Variants in SPOP observed in about 807,000 individuals in gnomAD.
The protein encoded by SPOP is speckle-type POZ protein.
Under a neutral mutation model 45.6 loss-of-function variants are expected in SPOP, and 11 were observed. The ratio of observed to expected loss-of-function variants is 0.24; its 90% confidence interval spans 0.15 to 0.40. The LOEUF (loss-of-function observed/expected upper bound fraction) is 0.40, where lower values mean the gene tolerates loss of function less well. SPOP is among the 10% of genes least tolerant of loss of function. The pLI is 1.00. For synonymous variants in SPOP, 166 were observed against 166.3 expected (o/e 1.00, Z 0.01); for missense variants, 152 against 465.6 (o/e 0.33, Z 6.20).
Position 49,632,422 on chromosome 17 carries a change from G to C in SPOP, c.-66-9546C>G, listed in dbSNP as rs969059005. On this transcript the variant is annotated intron_variant, in intron 1 of 9. Coordinates refer to ENST00000504102, the MANE Select transcript of SPOP (RefSeq NM_001007228.2). ...CATTTCCCAGAATAAGTCAATCCTG[G>C]TTATAGAAGTACCATTACAGCAGCT... 2.6e-5 allele frequency among the ~76,000 whole-genome samples: 4 copies of C among 152,074 alleles called. No individual in the cohort carries two copies. In the East Asian group the frequency reaches 5.8e-4, roughly 22 times the overall value.
intron 1 of SPOP, among the ~76,000 whole-genome samples, chr17:49,673,016 T>C (rs887760981): frequency 6.6e-6 from 1 of 151,886 alleles, no homozygotes; most frequent in African/African-American, 2.4e-5. Context: ...TAAAGAGATA[T>C]ATTTGGAGGA....
intron 1 of SPOP, among the ~76,000 whole-genome samples, chr17:49,666,484 CACACACA>C (rs1567804296): frequency 3.3e-5 from 5 of 151,452 alleles, no homozygotes; most frequent in South Asian, 2.1e-4. Flanking sequence ...CACACACACA[CACACACA>C]CACCCATATA....
chr17:49,678,094 C>A lies in SPOP; in HGVS notation c.-228G>T. The A allele has an allele frequency of 7.5e-6, 3 of 397,464 alleles. No homozygotes were observed. Among genetic ancestry groups the A allele is most frequent in the Non-Finnish European group, 1.3e-5 (3 of 225,384 alleles). 24.6% of individuals were successfully genotyped at this position (397,464 alleles called of 1,614,324 possible). A position where few individuals can be genotyped will look rare whatever the true frequency, so the allele number is the denominator to read the frequency against. On this transcript the variant is annotated 5_prime_UTR_variant, in exon 1 of 10. Transcript: ENST00000504102. ...ACACACCGACACACACCAGCCGGGG[C>A]GTCATGGCGTCAGCACGTCGACGCA...
At chr17:49,626,024 A>G (rs1567782376) in intron 1 of SPOP, among the ~76,000 whole-genome samples, 1 of 152,236 alleles carries the variant, frequency 6.6e-6, no homozygotes, top group African/African-American at 2.4e-5. Context: ...TATTGGAGCA[A>G]TTGTGTAAGG....
chr17:49,643,162 A>C (rs766994202), intron 1 of SPOP, among the ~76,000 whole-genome samples: 5 of 152,260 alleles, frequency 3.3e-5, no homozygotes, highest in Non-Finnish European at 7.3e-5. Flanking sequence ...GTGGCTGCCC[A>C]AACTAGTTGT....
At chr17:49,630,775 C>A (rs1333763383) in intron 1 of SPOP, among the ~76,000 whole-genome samples, 1 of 152,136 alleles carries the variant, frequency 6.6e-6, no homozygotes, top group Non-Finnish European at 1.5e-5. Context: ...TAAATTCTTA[C>A]ACTGCACCTA....
intron 1 of SPOP, among the ~76,000 whole-genome samples, chr17:49,649,810 CAG>C (rs1416706033): frequency 6.6e-6 from 1 of 151,858 alleles, no homozygotes; most frequent in Non-Finnish European, 1.5e-5. Flanking sequence ...GCCTGGGCGA[CAG>C]AGAGAGACTC....
At chr17:49,604,987 G>C (rs965766359) in intron 8 of SPOP, among the ~76,000 whole-genome samples, 1 of 152,148 alleles carries the variant, frequency 6.6e-6, no homozygotes, top group East Asian at 1.9e-4. Context: ...GAGAAATCCT[G>C]CAGTAAGATA....
intron 1 of SPOP, among the ~76,000 whole-genome samples, chr17:49,659,256 C>T (rs150607208): frequency 2.6e-5 from 4 of 152,258 alleles, no homozygotes; most frequent in African/African-American, 9.6e-5. Flanking sequence ...TCTTGATCTA[C>T]GTTTTGAACC....
chr17:49,668,071 C>T (rs2073086131), intron 1 of SPOP: 3 of 152,128 alleles, frequency 2.0e-5, no homozygotes, highest in African/African-American at 7.2e-5. Context: ...AAGGGTGGTT[C>T]CCAGAGCCTG....
chr17:49,600,649 C>G lies in SPOP; in HGVS notation c.981-127G>C, dbSNP rs533615203. 1.1e-5 allele frequency: 11 copies of G among 982,104 alleles called. No homozygotes were observed. In the South Asian group the frequency reaches 1.7e-4, roughly 15 times the overall value. The allele number at this position is 982,104 out of a possible 1,614,324, so 60.8% of individuals were successfully genotyped here. On this transcript the variant is annotated intron_variant, in intron 9 of 9. Coordinates refer to ENST00000504102, the MANE Select transcript of SPOP (RefSeq NM_001007228.2). The surrounding 1 kb of genome is among the most constrained non-coding windows in gnomAD (Gnocchi z 4.2). ...TGTCAATGCAAGAAACAGAAGAACC[C>G]TTAATATGCATAAGAATTTGCTTGT...
intron 1 of SPOP, among the ~76,000 whole-genome samples, chr17:49,672,171 T>C (rs1223038528): frequency 1.3e-5 from 2 of 152,052 alleles, no homozygotes; most frequent in Admixed American, 6.5e-5. Flanking sequence ...TCCTAACCGA[T>C]GAGGAAAATC....
At chr17:49,617,698 C>T (rs1399184853) in intron 5 of SPOP, among the ~76,000 whole-genome samples, 2 of 151,856 alleles carry the variant, frequency 1.3e-5, no homozygotes, top group Non-Finnish European at 2.9e-5. Flanking sequence ...CTGAGGCAGG[C>T]GGATCACTTG....
chr17:49,644,544 T>TG (rs989627732), intron 1 of SPOP, among the ~76,000 whole-genome samples: 2 of 152,060 alleles, frequency 1.3e-5, no homozygotes, highest in Non-Finnish European at 2.9e-5. Context: ...TGTAATGTAA[T>TG]GGGGGGTAAA....
chr17:49,674,441 C>T (rs2073175217), intron 1 of SPOP, among the ~76,000 whole-genome samples: 1 of 152,178 alleles, frequency 6.6e-6, no homozygotes, highest in Non-Finnish European at 1.5e-5. Context: ...TCTTGGTAGA[C>T]TACATGTGTC....
At chr17:49,652,603 T>TA (rs1308336057) in intron 1 of SPOP, among the ~76,000 whole-genome samples, 1 of 152,194 alleles carries the variant, frequency 6.6e-6, no homozygotes, top group African/African-American at 2.4e-5. Flanking sequence ...TACCATCTCT[T>TA]ACAGTAAATT....
At position 49,619,113 on chromosome 17, in the gene SPOP, G is replaced by T. The variant is rs1197902652; in HGVS notation, c.353-5C>A. ...ACCTATATGCCCGTTGACTCTCTGG[G>T]GTGGGGAAAAAAAAAGTCATATTTA... On this transcript the variant is annotated splice_polypyrimidine_tract_variant and splice_region_variant and intron_variant, in intron 4 of 9. Transcript: ENST00000504102. The surrounding 1 kb of genome is among the most constrained non-coding windows in gnomAD (Gnocchi z 4.9). 1.2e-6 allele frequency: 2 copies of T among 1,612,944 alleles called. No individual in the cohort carries two copies. Among genetic ancestry groups the T allele is most frequent in the Non-Finnish European group, 1.7e-6 (2 of 1,179,666 alleles).
chr17:49,652,931 T>G (rs1409477228), intron 1 of SPOP, among the ~76,000 whole-genome samples: 2 of 152,232 alleles, frequency 1.3e-5, no homozygotes, highest in African/African-American at 4.8e-5. Context: ...AAGGTCAGCA[T>G]TTTATTGGGT....
chr17:49,668,954 T>C (rs1035995076), intron 1 of SPOP, among the ~76,000 whole-genome samples: 2 of 150,596 alleles, frequency 1.3e-5, no homozygotes, highest in Non-Finnish European at 3.0e-5. Context: ...TTTTTTGTAT[T>C]TTTAGTAGAG....
Sources: allele counts gnomAD v4.1 joint callset (sites outside exome capture counted in the v4.1 genomes callset), GRCh38; gene constraint gnomAD v4.1.1; non-coding constraint Gnocchi (gnomAD v3.1); transcripts MANE v1.5; gene names NCBI Gene and HGNC (gene_info 2026-07-23, HGNC 2026-07-21).